The following PCDHGA3 variants were observed in gnomAD, a reference collection of about 807,000 sequenced individuals.
The protein encoded by PCDHGA3 is protocadherin gamma subfamily A, 3.
In PCDHGA3, 40 loss-of-function variants were observed where a neutral mutation model predicts 58.5. The ratio of observed to expected loss-of-function variants is 0.68; its 90% confidence interval spans 0.53 to 0.89. The LOEUF (loss-of-function observed/expected upper bound fraction) is 0.89. PCDHGA3 is among the 40% of genes least tolerant of loss of function. The pLI is 0.00. For missense variants in PCDHGA3, 1,223 were observed against 1,195.9 expected, an observed-to-expected ratio of 1.02 and a Z score of -0.33; for synonymous variants, 530 against 525.7, an observed-to-expected ratio of 1.01 and a Z score of -0.11.
Position 141,361,522 on chromosome 5 carries a change from G to C in PCDHGA3, c.2424+15065G>C. 13 of 1,614,054 alleles carry C rather than the reference G, an allele frequency of 8.1e-6. No individual in the cohort carries two copies. The highest frequency in any genetic ancestry group is 1.0e-5 in the Non-Finnish European group (12 of 1,179,900). On this transcript the variant is annotated intron_variant, in intron 1 of 3. Coordinates refer to ENST00000253812, the MANE Select transcript of PCDHGA3 (RefSeq NM_018916.4). ...GACTTCCTACATGGTTCACGTGGCA[G>C]AGAACAATCCTCCTGGCGCCTCTAT... is the stretch of plus-strand genomic sequence containing the variant.
chr5:141,494,909 T>G (rs764123148), intron 2 of PCDHGA3, 44 bp downstream of exon 2: 1 of 1,614,042 alleles, frequency 6.2e-7, no homozygotes, highest in Admixed American at 1.7e-5. Flanking sequence ...CTGCGGCATT[T>G]TCTCAGGGAT....
Position 141,366,606 on chromosome 5 carries a change from T to A in PCDHGA3, c.2424+20149T>A, listed in dbSNP as rs545823772. The A allele has an allele frequency of 3.5e-5, 56 of 1,614,226 alleles. No homozygotes were observed. The Admixed American group carries it at 6.5e-4, about 19-fold the overall frequency. The stretch of plus-strand genomic sequence containing the variant: ...CAGACCTATTCCCACGAGGTCTCCC[T>A]CACCGCGGACTCGAGGAAGAGTCAC... On this transcript the variant is annotated intron_variant, in intron 1 of 3. Transcript: ENST00000253812.
At chr5:141,388,405 C>A in intron 1 of PCDHGA3, 1 of 1,613,892 alleles carries the variant, frequency 6.2e-7, no homozygotes, top group Non-Finnish European at 8.5e-7. Context: ...CAACTCAGTC[C>A]CAGTGATCAT....
intron 1 of PCDHGA3, chr5:141,418,103 G>A: frequency 1.2e-6 from 2 of 1,614,076 alleles, no homozygotes; most frequent in African/African-American, 1.3e-5. Flanking sequence ...CGCGCAGAGC[G>A]GGGACTTACT....
chr5:141,390,665 TA>T, intron 1 of PCDHGA3: 1 of 192,900 alleles, frequency 5.2e-6, no homozygotes, highest in Non-Finnish European at 1.1e-5. Flanking sequence ...ACCATAAATA[TA>T]AAAATAATAA....
intron 1 of PCDHGA3, among the ~76,000 whole-genome samples, chr5:141,439,251 A>G (rs1467023466): frequency 6.6e-6 from 1 of 152,112 alleles, no homozygotes; most frequent in Non-Finnish European, 1.5e-5. Context: ...ATTTCAGCTG[A>G]AGATTCAGCC....
chr5:141,422,040 C>A, intron 1 of PCDHGA3: 1 of 1,611,442 alleles, frequency 6.2e-7, no homozygotes, highest in Non-Finnish European at 8.5e-7. Context: ...CGGATCCAGA[C>A]GAGGGAATCA....
At chr5:141,352,445 T>C (rs1759015395) in intron 1 of PCDHGA3, 1 of 1,614,006 alleles carries the variant, frequency 6.2e-7, no homozygotes. Flanking sequence ...CGGTCTCTGC[T>C]CCAAGTCTGG....
chr5:141,389,265 G>C (rs1452714844), intron 1 of PCDHGA3: 1 of 1,614,004 alleles, frequency 6.2e-7, no homozygotes, highest in East Asian at 2.2e-5. Flanking sequence ...CCACGTGGCC[G>C]AGAACAACCC....
chr5:141,374,761 C>G, intron 1 of PCDHGA3: 3 of 1,613,458 alleles, frequency 1.9e-6, no homozygotes, highest in South Asian at 1.1e-5. Context: ...CAAGCGTCGC[C>G]CAAATTCTGG....
intron 1 of PCDHGA3, chr5:141,361,045 A>G (rs1055845568): frequency 3.1e-6 from 5 of 1,613,552 alleles, no homozygotes; most frequent in Non-Finnish European, 3.4e-6. Context: ...AATCACGACA[A>G]AGGATGATTT....
chr5:141,476,574 G>A lies in PCDHGA3; in HGVS notation c.2425-18233G>A, dbSNP rs746783993. ...AGCGAGGCCGTGGCTCCGGGGACGC[G>A]CTTTCCGCTCGAGAGCGCGCACGAT... is the stretch of plus-strand genomic sequence containing the variant. On this transcript the variant is annotated intron_variant, in intron 1 of 3. Coordinates refer to ENST00000253812, the MANE Select transcript of PCDHGA3 (RefSeq NM_018916.4). The surrounding 1 kb of genome is among the most constrained non-coding windows in gnomAD (Gnocchi z 7.6). 40 of 1,614,084 alleles carry A rather than the reference G, an allele frequency of 2.5e-5. No homozygotes were observed. In the African/African-American group the frequency reaches 3.7e-4, roughly 15 times the overall value.
intron 1 of PCDHGA3, chr5:141,404,067 A>G (rs540954192): frequency 3.7e-6 from 6 of 1,613,894 alleles, no homozygotes; most frequent in South Asian, 2.2e-5. Context: ...TTCAATGCTC[A>G]TGACCGAGAC....
chr5:141,395,515 C>A, intron 1 of PCDHGA3: 1 of 407,332 alleles, frequency 2.5e-6, no homozygotes, highest in Non-Finnish European at 4.4e-6. Flanking sequence ...AGTAGCTACC[C>A]GTCCATACTG....
intron 1 of PCDHGA3, chr5:141,384,592 C>T (rs1780248278): frequency 6.2e-7 from 1 of 1,614,120 alleles, no homozygotes; most frequent in African/African-American, 1.3e-5. Flanking sequence ...GATCCTGTAC[C>T]CGGCCCTCCC....
chr5:141,479,324 C>G (rs2099492748), intron 1 of PCDHGA3: 1 of 152,556 alleles, frequency 6.6e-6, no homozygotes, highest in Admixed American at 6.5e-5. Context: ...TAGCCAGACT[C>G]AGTGGTGTGC....
rs771162471 is a variant in PCDHGA3, at chr5:141,376,386, T to G, written c.2424+29929T>G. 81 of 1,614,116 alleles carry G rather than the reference T, an allele frequency of 5.0e-5. No individual in the cohort carries two copies. The highest frequency in any genetic ancestry group is 4.2e-4 in the South Asian group (38 of 91,094). On this transcript the variant is annotated intron_variant, in intron 1 of 3. Transcript: ENST00000253812. ...ACTGCAGACTCGCGTAAGAGTCATC[T>G]GATTTTCCCCCAGCCCAACTATGCC...
chr5:141,376,217 C>T (rs1387510502), intron 1 of PCDHGA3: 1 of 1,614,210 alleles, frequency 6.2e-7, no homozygotes, highest in Non-Finnish European at 8.5e-7. Flanking sequence ...CATCGTGCTG[C>T]TGGCGCTCAG....
intron 1 of PCDHGA3, among the ~76,000 whole-genome samples, chr5:141,380,336 G>T (rs1221282125): frequency 1.3e-5 from 2 of 152,060 alleles, no homozygotes; most frequent in Non-Finnish European, 2.9e-5. Flanking sequence ...GAACTTCAAA[G>T]AACTGTTTTG....
Sources: allele counts gnomAD v4.1 joint callset (sites outside exome capture counted in the v4.1 genomes callset), GRCh38; gene constraint gnomAD v4.1.1; non-coding constraint Gnocchi (gnomAD v3.1); transcripts MANE v1.5; gene names NCBI Gene and HGNC (gene_info 2026-07-23, HGNC 2026-07-21).